The following PRXL2B variants were observed in gnomAD, a reference collection of about 807,000 sequenced individuals.
PRXL2B encodes the protein peroxiredoxin like 2B.
Under a neutral mutation model 24.4 loss-of-function variants are expected in PRXL2B, and 26 were observed. The observed-to-expected ratio is 1.07, with a 90% CI of 0.78 to 1.48. The LOEUF (loss-of-function observed/expected upper bound fraction) is 1.48, where lower values mean the gene tolerates loss of function less well. Ranked by LOEUF, PRXL2B falls within the 40% of genes most tolerant of loss-of-function variation. The pLI is 0.00. For synonymous variants in PRXL2B, 115 were observed against 118.9 expected, an observed-to-expected ratio of 0.97 and a Z score of 0.21; for missense variants, 269 against 264.8, an observed-to-expected ratio of 1.02 and a Z score of -0.11.
chr1:2,587,426 C>CCT lies in PRXL2B; in HGVS notation c.268+133_268+134dup. The CCT allele has an allele frequency of 2.8e-6, 3 of 1,076,660 alleles. No individual in the cohort carries two copies. The highest frequency in any genetic ancestry group is 4.0e-6 in the Non-Finnish European group (3 of 745,132). 66.7% of individuals were successfully genotyped at this position (1,076,660 alleles called of 1,614,324 possible). The stretch of plus-strand genomic sequence containing the variant: ...CTTGATATGCCCACGGGTCAGCGTC[C>CCT]CTCATCTCTCCCTGCCTCCCCGCCC... On this transcript the variant is annotated intron_variant, in intron 2 of 6. Coordinates refer to ENST00000419916, the MANE Select transcript of PRXL2B (RefSeq NM_152371.5). The surrounding 1 kb of genome is among the most constrained non-coding windows in gnomAD (Gnocchi z 6.1).
Position 2,588,973 on chromosome 1 carries a change from T to C in PRXL2B, c.512T>C (p.Val171Ala). The C allele has an allele frequency of 6.2e-7, 1 of 1,613,306 alleles. No homozygotes were observed. Among genetic ancestry groups the C allele is most frequent in the Non-Finnish European group, 8.5e-7 (1 of 1,179,982 alleles). Reference protein sequence around the residue: ...HFVQKSPGDYVPKEHILQVLG... With the variant: ...HFVQKSPGDYAPKEHILQVLG... ...GTCCAGAAGTCCCCAGGCGACTACGTCCCCAAGGAGCACATCCTGCAGGTC... is the reference window on the plus strand; with the variant it reads ...GTCCAGAAGTCCCCAGGCGACTACGCCCCCAAGGAGCACATCCTGCAGGTC... Residue 171 changes from valine (V) to alanine (A), a missense_variant, in exon 6 of 7, where the codon GTC becomes GCC. Physicochemically the swap from Val to Ala is moderately conservative, Grantham distance 64 (BLOSUM62 0). Transcript: ENST00000419916.
intron 6 of PRXL2B, 68 bp from the exon 7 acceptor site, chr1:2,589,342 A>AG: frequency 6.3e-7 from 1 of 1,591,892 alleles, no homozygotes; most frequent in South Asian, 1.1e-5. Context: ...GGATTGTCCA[A>AG]GGGGGCCCTC....
At chr1:2,586,744 A>C, upstream of PRXL2B, 3 of 1,231,710 alleles carry the variant, frequency 2.4e-6, no homozygotes, top group South Asian at 3.9e-5. Flanking sequence ...CCTCGGCGGC[A>C]GCAAGAAAGG....
Position 2,591,304 on chromosome 1 carries a change from C to T in PRXL2B, c.*1877C>T. ...CCCTCCAGCCAGAGATATTCCAACT[C>T]TGCAATAAAACTCTCCTTCACACAG... On this transcript the variant is annotated 3_prime_UTR_variant, in exon 7 of 7. Transcript: ENST00000419916. 1.7e-6 allele frequency: 1 copy of T among 597,880 alleles called. No individual in the cohort carries two copies. The allele number at this position is 597,880 out of a possible 1,614,324, so 37.0% of individuals were successfully genotyped here.
Position 2,591,108 on chromosome 1 carries a change from G to T in PRXL2B, c.*1681G>T. ...CAGTACCCTGTGGGTGGGTGGGTGT[G>T]ACAGCAGGAGCATTGCCATCTTGGA... On this transcript the variant is annotated 3_prime_UTR_variant, in exon 7 of 7. Coordinates refer to ENST00000419916, the MANE Select transcript of PRXL2B (RefSeq NM_152371.5). 1.3e-6 allele frequency: 2 copies of T among 1,524,372 alleles called. No homozygotes were observed. The highest frequency in any genetic ancestry group is 1.8e-6 in the Non-Finnish European group (2 of 1,131,748). 94.4% of individuals were successfully genotyped at this position (1,524,372 alleles called of 1,614,324 possible).
chr1:2,591,141 G>T lies in PRXL2B; in HGVS notation c.*1714G>T. On this transcript the variant is annotated 3_prime_UTR_variant, in exon 7 of 7. Transcript: ENST00000419916. ...GAGCATTGCCATCTTGGACAAACAT[G>T]GCCATTTTAAGTTCTCCGTGATTAA... 2 of 1,332,356 alleles carry T rather than the reference G, an allele frequency of 1.5e-6. No homozygotes were observed. Among genetic ancestry groups the T allele is most frequent in the Non-Finnish European group, 2.0e-6 (2 of 978,936 alleles). 82.5% of individuals were successfully genotyped at this position (1,332,356 alleles called of 1,614,324 possible).
rs1257426377 is a variant in PRXL2B, at chr1:2,588,529, G to GGC, written c.385-20_385-19dup. The GGC allele has an allele frequency of 3.1e-6, 5 of 1,614,008 alleles. No homozygotes were observed. The Admixed American group carries it at 6.7e-5, about 22-fold the overall frequency. The stretch of plus-strand genomic sequence containing the variant: ...GAGCCTTTCTTCTAGGATTGACTCA[G>GGC]GCTGTACCCACTCCTGACAGGCCAA... On this transcript the variant is annotated intron_variant, in intron 4 of 6. Transcript: ENST00000419916.
Position 2,591,074 on chromosome 1 carries a change from C to T in PRXL2B, c.*1647C>T, listed in dbSNP as rs151335104. On this transcript the variant is annotated 3_prime_UTR_variant, in exon 7 of 7. Coordinates refer to ENST00000419916, the MANE Select transcript of PRXL2B (RefSeq NM_152371.5). The stretch of plus-strand genomic sequence containing the variant: ...TGTCTGCGAAGGCGGCCAGGTTCTG[C>T]AGCGACCCCAGTACCCTGTGGGTGG... 4.9e-5 allele frequency: 79 copies of T among 1,601,134 alleles called. No homozygotes were observed. The African/African-American group carries it at 9.2e-4, about 19-fold the overall frequency.
Position 2,589,539 on chromosome 1 carries a change from C to A in PRXL2B, c.*112C>A. ...GAGGCGCTGGGTCGGGATGCCGAACCTCTCCTGATCCGCCGGCAGCAACGA... is the reference window on the plus strand; with the variant it reads ...GAGGCGCTGGGTCGGGATGCCGAACATCTCCTGATCCGCCGGCAGCAACGA... On this transcript the variant is annotated 3_prime_UTR_variant, in exon 7 of 7. Transcript: ENST00000419916. 5 of 1,469,024 alleles carry A rather than the reference C, an allele frequency of 3.4e-6. No individual in the cohort carries two copies. The highest frequency in any genetic ancestry group is 4.7e-6 in the Non-Finnish European group (5 of 1,068,744). 91.0% of individuals were successfully genotyped at this position (1,469,024 alleles called of 1,614,324 possible).
chr1:2,591,426 C>T lies in PRXL2B; in HGVS notation c.*1999C>T, dbSNP rs1644702414. 2 of 765,546 alleles carry T rather than the reference C, an allele frequency of 2.6e-6. No individual in the cohort carries two copies. The highest frequency in any genetic ancestry group is 2.0e-5 in the Admixed American group (1 of 49,412). The allele number at this position is 765,546 out of a possible 1,614,324, so 47.4% of individuals were successfully genotyped here. The stretch of plus-strand genomic sequence containing the variant: ...CCTGACCGAAATCGGCCAGAAGCCC[C>T]TCTCAGGTTTATTCCCAAAATAAAC... On this transcript the variant is annotated 3_prime_UTR_variant, in exon 7 of 7. Coordinates refer to ENST00000419916, the MANE Select transcript of PRXL2B (RefSeq NM_152371.5).
chr1:2,587,617 G>A lies in PRXL2B; in HGVS notation c.269-124G>A. 1 of 1,161,760 alleles carries A rather than the reference G, an allele frequency of 8.6e-7. No homozygotes were observed. The highest frequency in any genetic ancestry group is 2.0e-5 in the Admixed American group (1 of 50,228). The allele number at this position is 1,161,760 out of a possible 1,614,324, so 72.0% of individuals were successfully genotyped here. A position where few individuals can be genotyped will look rare whatever the true frequency, so the allele number is the denominator to read the frequency against. ...TTACCCCTCCCTGCCCTGCGGGGGT[G>A]GGCTGAGCACGGAGGGTGGGCAGAG... On this transcript the variant is annotated intron_variant, in intron 2 of 6. Coordinates refer to ENST00000419916, the MANE Select transcript of PRXL2B (RefSeq NM_152371.5). This position sits in a 1 kb window ranked among gnomAD's most constrained non-coding sequence, Gnocchi z 6.1.
Position 2,587,173 on chromosome 1 carries a change from G to A in PRXL2B, c.146G>A (p.Trp49Ter). Reference sequence around the variant, plus strand: ...CGCTTCGGGTGCGTGGTGTGCCGCTGGATCGCCCAGGACCTCAGCAGCCTT... The same window carrying A: ...CGCTTCGGGTGCGTGGTGTGCCGCTAGATCGCCCAGGACCTCAGCAGCCTT... ...LRRFGCVVCR[W>*]IAQDLSSLAG... The change falls in exon 2 of 7, where the codon TGG (tryptophan) becomes TAG (stop). Residue 49 changes from tryptophan (W) to a stop codon, truncating the protein, a stop_gained. Coordinates refer to ENST00000419916, the MANE Select transcript of PRXL2B (RefSeq NM_152371.5). LOFTEE classifies it high-confidence loss of function. This position sits in a 1 kb window ranked among gnomAD's most constrained non-coding sequence, Gnocchi z 6.1. 2 of 1,557,314 alleles carry A rather than the reference G, an allele frequency of 1.3e-6. No individual in the cohort carries two copies. Among genetic ancestry groups the A allele is most frequent in the Non-Finnish European group, 8.6e-7 (1 of 1,158,606 alleles).
At chr1:2,588,233 G>T in intron 3 of PRXL2B, 157 bp from the exon 4 acceptor site, 3 of 914,566 alleles carry the variant, frequency 3.3e-6, no homozygotes, top group South Asian at 3.1e-5. Flanking sequence ...GGTGGGCTGG[G>T]CTGGCTACTG....
In PRXL2B at chr1:2,590,201, T is replaced by C. The variant is rs1206071719; in HGVS notation, c.*774T>C. ...ATGACAACTGCAGCCCTCTCTGCAC[T>C]CCCTAGTCCAGACCTGGGGACCACT... On this transcript the variant is annotated 3_prime_UTR_variant, in exon 7 of 7. Coordinates refer to ENST00000419916, the MANE Select transcript of PRXL2B (RefSeq NM_152371.5). 1 of 152,384 alleles carries C rather than the reference T, an allele frequency of 6.6e-6. No individual in the cohort carries two copies. The highest frequency in any genetic ancestry group is 1.5e-5 in the Non-Finnish European group (1 of 68,072). The allele number at this position is 152,384 out of a possible 1,614,324, so 9.4% of individuals were successfully genotyped here.
rs114054393 is a variant in PRXL2B at position 2,588,160 on chromosome 1, A to G, written c.321-230A>G. Among the ~76,000 whole-genome samples the G allele has an allele frequency of 9.4e-3, 1,420 of 151,736 alleles. 26 individuals are homozygous for G. The highest frequency in any genetic ancestry group is 0.032 in the African/African-American group (1,336 of 41,342). The stretch of plus-strand genomic sequence containing the variant: ...GCACACCCAGCCTGGGGCCCCATCC[A>G]TGCTCCCTGCACCCTCTGTGGACCC... On this transcript the variant is annotated intron_variant, in intron 3 of 6. Transcript: ENST00000419916.
chr1:2,586,839 G>A lies in PRXL2B; in HGVS notation c.-47G>A, dbSNP rs531593396. Reference sequence around the variant, plus strand: ...TCCAGGAGCGAGGAGCCGGGAGCGGGGAACAGGGAGTCGGGGAGCCGGGAA... The same window carrying A: ...TCCAGGAGCGAGGAGCCGGGAGCGGAGAACAGGGAGTCGGGGAGCCGGGAA... On this transcript the variant is annotated 5_prime_UTR_variant, in exon 1 of 7. Transcript: ENST00000419916. The A allele has an allele frequency of 3.2e-5, 41 of 1,280,754 alleles. No individual in the cohort carries two copies. In the South Asian group the frequency reaches 1.1e-3, roughly 35 times the overall value. 79.3% of individuals were successfully genotyped at this position (1,280,754 alleles called of 1,614,324 possible). A position where few individuals can be genotyped will look rare whatever the true frequency, so the allele number is the denominator to read the frequency against.
upstream of PRXL2B, chr1:2,586,671 C>G: frequency 9.0e-7 from 1 of 1,113,226 alleles, no homozygotes; most frequent in Non-Finnish European, 1.1e-6. Context: ...GGGGCGTGGC[C>G]GGGGCGCGCT....
chr1:2,587,421 G>T lies in PRXL2B; in HGVS notation c.268+126G>T. 1 of 1,137,982 alleles carries T rather than the reference G, an allele frequency of 8.8e-7. No homozygotes were observed. The highest frequency in any genetic ancestry group is 1.4e-5 in the South Asian group (1 of 73,102). 70.5% of individuals were successfully genotyped at this position (1,137,982 alleles called of 1,614,324 possible). A position where few individuals can be genotyped will look rare whatever the true frequency, so the allele number is the denominator to read the frequency against. On this transcript the variant is annotated intron_variant, in intron 2 of 6. Coordinates refer to ENST00000419916, the MANE Select transcript of PRXL2B (RefSeq NM_152371.5). The surrounding 1 kb of genome is among the most constrained non-coding windows in gnomAD (Gnocchi z 6.1). The stretch of plus-strand genomic sequence containing the variant: ...GCGGCCTTGATATGCCCACGGGTCA[G>T]CGTCCCTCATCTCTCCCTGCCTCCC...
rs2100918697 is a variant in PRXL2B at position 2,590,938 on chromosome 1, A to G, written c.*1511A>G. 7.3e-7 allele frequency: 1 copy of G among 1,373,092 alleles called. No homozygotes were observed. The highest frequency in any genetic ancestry group is 1.6e-5 in the South Asian group (1 of 62,170). The allele number at this position is 1,373,092 out of a possible 1,614,324, so 85.1% of individuals were successfully genotyped here. On this transcript the variant is annotated 3_prime_UTR_variant, in exon 7 of 7. Transcript: ENST00000419916. The stretch of plus-strand genomic sequence containing the variant: ...CGCCGCTAGCTGCACCTTCGCACAG[A>G]TGCCTCCGAGCAGCGGGTGGGCGTG...
Sources: gnomAD v4.1 joint callset for allele counts (sites outside exome capture counted in the v4.1 genomes callset) on GRCh38, gnomAD v4.1.1 for gene constraint, Gnocchi (gnomAD v3.1) non-coding constraint, MANE v1.5 for transcripts, NCBI Gene and HGNC (gene_info 2026-07-23, HGNC 2026-07-21) for gene names.